The following EXOC6B variants were observed in gnomAD, a reference collection of about 807,000 sequenced individuals.
EXOC6B encodes SEC15 homolog B.
In EXOC6B, 54 loss-of-function variants were observed where a neutral mutation model predicts 113.5. The observed-to-expected ratio is 0.48, with a 90% CI of 0.38 to 0.60. The LOEUF (loss-of-function observed/expected upper bound fraction) is 0.60, where lower values mean the gene tolerates loss of function less well. EXOC6B is among the 20% of genes least tolerant of loss of function. EXOC6B has a pLI of 0.00. For synonymous variants in EXOC6B, 357 were observed against 339.0 expected (o/e 1.05, Z -0.58); for missense variants, 797 against 977.5 (o/e 0.82, Z 2.46).
chr2:72,708,071 A>G (rs1402009534), intron 6 of EXOC6B, among the ~76,000 whole-genome samples: 1 of 152,184 alleles, frequency 6.6e-6, no homozygotes, highest in Non-Finnish European at 1.5e-5. Context: ...AAAATTTAGA[A>G]AATAAAACCC....
At chr2:72,570,040 C>T (rs973285299) in intron 7 of EXOC6B, among the ~76,000 whole-genome samples, 1 of 152,038 alleles carries the variant, frequency 6.6e-6, no homozygotes, top group Non-Finnish European at 1.5e-5. Context: ...ATGTTGAAGT[C>T]CTTAGTCCCA....
chr2:72,824,564 T>C (rs1173460527), intron 1 of EXOC6B, among the ~76,000 whole-genome samples: 1 of 152,092 alleles, frequency 6.6e-6, no homozygotes, highest in Non-Finnish European at 1.5e-5. Context: ...AGGAGTAATT[T>C]CCAGCCTGCC....
At position 72,302,035 on chromosome 2, in the gene EXOC6B, G is replaced by GTATCTTTC. The variant is rs1213678871; in HGVS notation, c.2196+32904_2196+32911dup. Among the ~76,000 whole-genome samples, 5 of 152,048 alleles carry GTATCTTTC rather than the reference G, an allele frequency of 3.3e-5. No individual in the cohort carries two copies. In the East Asian group the frequency reaches 9.6e-4, roughly 29 times the overall value. ...TGTGTCCCAGGGATTCTGGCATGTT[G>GTATCTTTC]TATCTTTCTTCTCATTAGCTTCAAA... On this transcript the variant is annotated intron_variant, in intron 20 of 21. Transcript: ENST00000272427.
intron 1 of EXOC6B, among the ~76,000 whole-genome samples, chr2:72,802,933 C>T (rs1361596089): frequency 6.6e-6 from 1 of 152,160 alleles, no homozygotes; most frequent in African/African-American, 2.4e-5. Context: ...TATTAACAAG[C>T]CCTCCCAGTG....
chr2:72,431,530 T>TATCTA (rs1553407655), intron 18 of EXOC6B, among the ~76,000 whole-genome samples: 1 of 151,432 alleles, frequency 6.6e-6, no homozygotes, highest in Non-Finnish European at 1.5e-5. Context: ...TCTATCTATC[T>TATCTA]ATCTATCTAA....
At chr2:72,201,911 CA>C (rs1229929686) in intron 20 of EXOC6B, among the ~76,000 whole-genome samples, 2 of 152,074 alleles carry the variant, frequency 1.3e-5, no homozygotes, top group Non-Finnish European at 2.9e-5. Flanking sequence ...TGCCCACTAC[CA>C]GTGTTTGGGT....
intron 8 of EXOC6B, among the ~76,000 whole-genome samples, chr2:72,555,857 G>A (rs1474716406): frequency 2.0e-5 from 3 of 152,084 alleles, no homozygotes; most frequent in African/African-American, 7.2e-5. Context: ...ATGTTGCCAG[G>A]CTGGTCTCAA....
chr2:72,699,851 C>T (rs1301399076), intron 6 of EXOC6B, among the ~76,000 whole-genome samples: 1 of 152,144 alleles, frequency 6.6e-6, no homozygotes, highest in Non-Finnish European at 1.5e-5. Context: ...TTTAATGGCA[C>T]TACACACAAA....
chr2:72,231,417 T>C lies in EXOC6B; in HGVS notation c.2197-47230A>G, dbSNP rs568587628. 2.6e-5 allele frequency among the ~76,000 whole-genome samples: 4 copies of C among 152,276 alleles called. No individual in the cohort carries two copies. The East Asian group carries it at 5.8e-4, about 22-fold the overall frequency. ...GGGGTATTAATCTTATTTCTGATTGTGAATCAGAATCAGAATAGAACAATA... is the reference window on the plus strand; with the variant it reads ...GGGGTATTAATCTTATTTCTGATTGCGAATCAGAATCAGAATAGAACAATA... On this transcript the variant is annotated intron_variant, in intron 20 of 21. Transcript: ENST00000272427.
chr2:72,251,931 C>T (rs1025753676), intron 20 of EXOC6B, among the ~76,000 whole-genome samples: 1 of 152,090 alleles, frequency 6.6e-6, no homozygotes, highest in African/African-American at 2.4e-5. Context: ...TGCAACTGAA[C>T]CCATATTTCC....
intron 19 of EXOC6B, among the ~76,000 whole-genome samples, chr2:72,374,045 C>T (rs139271825): frequency 6.0e-4 from 91 of 152,044 alleles, no homozygotes; most frequent in African/African-American, 1.6e-3. Context: ...GTATAGCCTG[C>T]GCCTCCAGAG....
At chr2:72,207,569 T>A (rs560962030) in intron 20 of EXOC6B, among the ~76,000 whole-genome samples, 1 of 152,208 alleles carries the variant, frequency 6.6e-6, no homozygotes, top group Non-Finnish European at 1.5e-5. Context: ...TAATTGATGA[T>A]AAGGATGATA....
chr2:72,206,135 G>A (rs184835348), intron 20 of EXOC6B, among the ~76,000 whole-genome samples: 13 of 152,328 alleles, frequency 8.5e-5, no homozygotes, highest in Admixed American at 7.8e-4. Flanking sequence ...GTGATTCTAA[G>A]AGGAAGATAC....
chr2:72,663,980 C>T (rs1305875378), intron 6 of EXOC6B, among the ~76,000 whole-genome samples: 1 of 152,114 alleles, frequency 6.6e-6, no homozygotes, highest in African/African-American at 2.4e-5. Context: ...TCTGTACTTT[C>T]CCTTCAACTT....
chr2:72,609,558 A>C (rs1455839954), intron 6 of EXOC6B, among the ~76,000 whole-genome samples: 1 of 151,972 alleles, frequency 6.6e-6, no homozygotes, highest in Admixed American at 6.5e-5. Flanking sequence ...ACCAGAAGAA[A>C]GCATTAGTAA....
chr2:72,696,256 T>C lies in EXOC6B; in HGVS notation c.669+21847A>G, dbSNP rs1326695645. ...TGCTCAGATAAATAAAACTAGATTA[T>C]CCACTTTTAAACATGTACAAAATGG... On this transcript the variant is annotated intron_variant, in intron 6 of 21. Transcript: ENST00000272427. Among the ~76,000 whole-genome samples the C allele has an allele frequency of 2.6e-5, 4 of 152,208 alleles. No homozygotes were observed. The East Asian group carries it at 5.8e-4, about 22-fold the overall frequency.
At chr2:72,397,447 C>T (rs957697426) in intron 18 of EXOC6B, among the ~76,000 whole-genome samples, 5 of 151,258 alleles carry the variant, frequency 3.3e-5, no homozygotes, top group Admixed American at 1.3e-4. Flanking sequence ...GGTGAAACCC[C>T]GTCTCTACTA....
chr2:72,477,303 T>A (rs1201582678), intron 17 of EXOC6B, among the ~76,000 whole-genome samples: 1 of 152,236 alleles, frequency 6.6e-6, no homozygotes, highest in Non-Finnish European at 1.5e-5. Flanking sequence ...GTGTTCCCCA[T>A]CTCAGTAAAC....
intron 18 of EXOC6B, among the ~76,000 whole-genome samples, chr2:72,427,368 C>T (rs1172035606): frequency 6.6e-6 from 1 of 152,186 alleles, no homozygotes; most frequent in Non-Finnish European, 1.5e-5. Context: ...CTGCACTCTG[C>T]ACCCTCAGGG....
Sources: allele counts gnomAD v4.1 joint callset (sites outside exome capture counted in the v4.1 genomes callset), GRCh38; gene constraint gnomAD v4.1.1; transcripts MANE v1.5; gene names NCBI Gene and HGNC (gene_info 2026-07-23, HGNC 2026-07-21).